Variants in CCDC171 observed in about 807,000 individuals in gnomAD.
CCDC171 encodes coiled-coil domain-containing protein 171.
Under a neutral mutation model 168.2 loss-of-function variants are expected in CCDC171, and 177 were observed. That is an observed-to-expected ratio of 1.05 (90% confidence interval 0.93 to 1.19). CCDC171 has a LOEUF of 1.19. Ranked by LOEUF, CCDC171 falls within the 50% of genes most tolerant of loss-of-function variation. The probability of loss-of-function intolerance (pLI) is 0.00; values close to 1 mark genes in which losing one functional copy is unlikely to be tolerated. For synonymous variants in CCDC171, 687 were observed against 540.8 expected (o/e 1.27, Z -3.75); for missense variants, 1,991 against 1,539.0 (o/e 1.29, Z -4.91).
intron 8 of CCDC171, among the ~76,000 whole-genome samples, chr9:15,659,358 C>T (rs371018016): frequency 7.9e-4 from 121 of 152,238 alleles, no homozygotes; most frequent in African/African-American, 2.8e-3. Context: ...TGACTTTTCG[C>T]TTAAATGTTT....
At chr9:15,742,893 C>T (rs951462352) in intron 16 of CCDC171, among the ~76,000 whole-genome samples, 2 of 152,046 alleles carry the variant, frequency 1.3e-5, no homozygotes, top group African/African-American at 4.8e-5. Flanking sequence ...CCCACCTTCA[C>T]CCTCTTGAGT....
At chr9:15,802,496 G>A (rs2058874311) in intron 21 of CCDC171, among the ~76,000 whole-genome samples, 1 of 152,076 alleles carries the variant, frequency 6.6e-6, no homozygotes, top group Non-Finnish European at 1.5e-5. Context: ...TTATAAGTGA[G>A]AACATGTGGT....
chr9:15,703,617 A>C (rs1318743162), intron 11 of CCDC171, among the ~76,000 whole-genome samples: 1 of 152,152 alleles, frequency 6.6e-6, no homozygotes, highest in Non-Finnish European at 1.5e-5. Flanking sequence ...GTGATATTTC[A>C]ATGTGTATAT....
intron 10 of CCDC171, among the ~76,000 whole-genome samples, chr9:15,690,774 A>T (rs2050724306): frequency 6.6e-6 from 1 of 152,190 alleles, no homozygotes; most frequent in South Asian, 2.1e-4. Context: ...TTTATAATTT[A>T]TGGAGCGCTT....
chr9:15,732,952 G>A (rs931928593), intron 16 of CCDC171, among the ~76,000 whole-genome samples: 2 of 152,132 alleles, frequency 1.3e-5, no homozygotes, highest in Non-Finnish European at 2.9e-5. Flanking sequence ...GATTTGGTCT[G>A]CACCTGTGCC....
chr9:15,750,785 AATAAG>A (rs2055678747), intron 18 of CCDC171, among the ~76,000 whole-genome samples: 1 of 152,200 alleles, frequency 6.6e-6, no homozygotes, highest in African/African-American at 2.4e-5. Context: ...ATCTCATAAT[AATAAG>A]AGCTGTTTAT....
At chr9:15,783,886 T>G (rs1243036917) in intron 20 of CCDC171, among the ~76,000 whole-genome samples, 1 of 152,194 alleles carries the variant, frequency 6.6e-6, no homozygotes, top group African/African-American at 2.4e-5. Flanking sequence ...CCAGGCACTC[T>G]TCTCTATGTT....
At chr9:16,061,483 AT>A (rs1833930319), downstream of CCDC171, 2 of 151,994 alleles carry the variant, frequency 1.3e-5, no homozygotes, top group Non-Finnish European at 2.9e-5. Flanking sequence ...TCTCTTCCTG[AT>A]TTTTTATTTA....
intron 21 of CCDC171, among the ~76,000 whole-genome samples, chr9:15,791,028 C>T (rs868400859): frequency 2.0e-5 from 3 of 152,200 alleles, no homozygotes; most frequent in South Asian, 4.2e-4. Context: ...AGTCAGGTAG[C>T]GTGATGCCTC....
At chr9:16,042,361 G>A (rs1164709893), upstream of CCDC171, among the ~76,000 whole-genome samples, 2 of 152,152 alleles carry the variant, frequency 1.3e-5, no homozygotes, top group Non-Finnish European at 2.9e-5. Flanking sequence ...AGAGAAGAGG[G>A]CCCCATCAAC....
intron 3 of CCDC171, among the ~76,000 whole-genome samples, chr9:16,019,482 T>C (rs1833106568): frequency 6.6e-6 from 1 of 152,102 alleles, no homozygotes; most frequent in African/African-American, 2.4e-5. Flanking sequence ...ATAAAAACCA[T>C]TGTTTCTTGT....
intron 21 of CCDC171, among the ~76,000 whole-genome samples, chr9:15,828,070 T>A (rs2060087505): frequency 6.6e-6 from 1 of 152,190 alleles, no homozygotes; most frequent in Admixed American, 6.5e-5. Context: ...TATTTTACAC[T>A]GTAAGATTAA....
At chr9:15,735,972 C>T (rs941500344) in intron 16 of CCDC171, among the ~76,000 whole-genome samples, 8 of 152,058 alleles carry the variant, frequency 5.3e-5, no homozygotes, top group African/African-American at 1.7e-4. Flanking sequence ...AATGCTTTTG[C>T]ATATTTTGTA....
In CCDC171 at chr9:15,859,617, C is replaced by T. The variant is rs187582301; in HGVS notation, c.3468+10670C>T. ...TTCCTCTCTTTCTGCCTTTCCCCCT[C>T]TGCCCCCACCCCCCGAATCTTTTTG... On this transcript the variant is annotated intron_variant, in intron 23 of 25. Coordinates refer to ENST00000380701, the MANE Select transcript of CCDC171 (RefSeq NM_173550.4). Among the ~76,000 whole-genome samples the T allele has an allele frequency of 1.0e-3, 147 of 145,498 alleles. 2 individuals are homozygous for T. Among genetic ancestry groups the T allele is most frequent in the African/African-American group, 3.4e-3 (135 of 39,594 alleles).
chr9:15,635,280 T>A (rs1377680156), intron 7 of CCDC171, among the ~76,000 whole-genome samples: 2 of 152,198 alleles, frequency 1.3e-5, no homozygotes, highest in African/African-American at 4.8e-5. Context: ...TGAGAGCCCC[T>A]TTTTATCATT....
chr9:15,857,338 T>G (rs1320628770), intron 23 of CCDC171, among the ~76,000 whole-genome samples: 1 of 152,006 alleles, frequency 6.6e-6, no homozygotes, highest in African/African-American at 2.4e-5. Context: ...CTATGTCTTG[T>G]TCTAGGAAAT....
At chr9:15,711,961 C>T (rs1166345384) in intron 11 of CCDC171, among the ~76,000 whole-genome samples, 1 of 152,120 alleles carries the variant, frequency 6.6e-6, no homozygotes, top group East Asian at 1.9e-4. Context: ...ACCTGTATTC[C>T]AGGAGGGTCT....
At chr9:16,101,638 C>T in the CCDC171 span, among the ~76,000 whole-genome samples, 1 of 152,140 alleles carries the variant, frequency 6.6e-6, no homozygotes, top group South Asian at 2.1e-4. Flanking sequence ...GTCTAGAGTC[C>T]AGAGAAAAAG....
At chr9:15,908,668 A>T (rs564653194) in intron 24 of CCDC171, among the ~76,000 whole-genome samples, 15 of 152,264 alleles carry the variant, frequency 9.9e-5, no homozygotes, top group African/African-American at 3.4e-4. Context: ...AAAGAGAAAT[A>T]TCTGAGACTG....
Sources: gnomAD v4.1 joint callset for allele counts (sites outside exome capture counted in the v4.1 genomes callset) on GRCh38, gnomAD v4.1.1 for gene constraint, MANE v1.5 for transcripts, NCBI Gene and HGNC (gene_info 2026-07-23, HGNC 2026-07-21) for gene names.